POLR1C: variants seen among roughly 807,000 people sequenced by gnomAD.
The protein encoded by POLR1C is RNA polymerase I and III subunit C.
In POLR1C, 42 loss-of-function variants were observed where a neutral mutation model predicts 38.3. The observed-to-expected ratio is 1.10, with a 90% CI of 0.86 to 1.42. The LOEUF is 1.42. Among genes scored for constraint, POLR1C ranks in the 40% most tolerant of loss-of-function variants. The pLI is 0.00. For missense variants in POLR1C, 507 were observed against 450.5 expected (o/e 1.13, Z -1.14); for synonymous variants, 163 against 163.9 (o/e 0.99, Z 0.04).
In POLR1C at chr6:43,526,686, G is replaced by A. The variant is rs201260819; in HGVS notation, c.923-2563G>A. On this transcript the variant is annotated intron_variant, in intron 8 of 8. Coordinates refer to the POLR1C transcript ENST00000304004. ...CCAAGGTCTCACAGGCTCACTTACCGTCTCCATCTGCTGGGGGAGCACTAC... is the reference window on the plus strand; with the variant it reads ...CCAAGGTCTCACAGGCTCACTTACCATCTCCATCTGCTGGGGGAGCACTAC... The A allele has an allele frequency of 6.6e-5, 107 of 1,613,760 alleles. No homozygotes were observed. Among genetic ancestry groups the A allele is most frequent in the African/African-American group, 9.3e-5 (7 of 74,922 alleles).
chr6:43,524,673 T>G (rs1453481399), downstream of POLR1C: 1 of 1,602,298 alleles, frequency 6.2e-7, no homozygotes, highest in South Asian at 1.1e-5. Flanking sequence ...GATGTAGGTT[T>G]GGATATTGCC....
Position 43,521,053 on chromosome 6 carries a change from G to C in POLR1C, c.922+5G>C. On this transcript the variant is annotated splice_donor_5th_base_variant and intron_variant, in intron 8 of 8. Transcript: ENST00000642195. Reference sequence around the variant, plus strand: ...GGGTTCGAGATCATTATATCTGTGAGTATGAAGTGGTGAGATGAGTGGGCA... The same window carrying C: ...GGGTTCGAGATCATTATATCTGTGACTATGAAGTGGTGAGATGAGTGGGCA... The C allele has an allele frequency of 6.2e-7, 1 of 1,610,216 alleles. No individual in the cohort carries two copies. Among genetic ancestry groups the C allele is most frequent in the Non-Finnish European group, 8.5e-7 (1 of 1,176,390 alleles).
At chr6:43,555,314 AG>A (rs1413752211) in intron 10 of POLR1C, 4 of 143,914 alleles carry the variant, frequency 2.8e-5, no homozygotes, top group African/African-American at 1.2e-4. Context: ...TGGAGTACAG[AG>A]AAGTTAACTG....
chr6:43,517,899 C>G (rs75055581), intron 2 of POLR1C, among the ~76,000 whole-genome samples: 3,887 of 152,176 alleles, frequency 0.026, 150 homozygotes, highest in African/African-American at 0.086. Flanking sequence ...TGAATGTTAC[C>G]GTTTAGGCAA....
chr6:43,555,598 A>G, intron 10 of POLR1C: 1 of 329,038 alleles, frequency 3.0e-6, no homozygotes, highest in East Asian at 5.2e-5. Flanking sequence ...AGAAATGGAA[A>G]ATGATGGCAA....
chr6:43,526,017 T>C (rs1793564926), downstream of POLR1C: 2 of 1,404,540 alleles, frequency 1.4e-6, no homozygotes, highest in Non-Finnish European at 2.0e-6. Context: ...CAAAGCTGAG[T>C]GTTCTAGGCT....
At chr6:43,525,206 A>G, downstream of POLR1C, 1 of 1,575,600 alleles carries the variant, frequency 6.3e-7, no homozygotes, top group Non-Finnish European at 8.6e-7. Flanking sequence ...ATAGCGCTGT[A>G]CAAACATCCT....
intron 10 of POLR1C, chr6:43,561,127 TG>T: frequency 1.2e-6 from 1 of 812,102 alleles, no homozygotes. Flanking sequence ...AAAAGGACTT[TG>T]TATTTCCTTT....
At chr6:43,523,825 G>A, downstream of POLR1C, 1 of 1,613,892 alleles carries the variant, frequency 6.2e-7, no homozygotes, top group East Asian at 2.2e-5. Flanking sequence ...AGGGAAAGAA[G>A]AGATGACAAG....
chr6:43,525,750 ACT>A (rs1793544363), downstream of POLR1C: 1 of 1,374,940 alleles, frequency 7.3e-7, no homozygotes, highest in Non-Finnish European at 9.9e-7. Context: ...ATTACAAAAA[ACT>A]CTTGATAGCA....
chr6:43,553,386 G>A, intron 10 of POLR1C: 1 of 1,608,632 alleles, frequency 6.2e-7, no homozygotes, highest in Non-Finnish European at 8.5e-7. Flanking sequence ...TCTATTTAGT[G>A]TTCGAAACAT....
intron 10 of POLR1C, among the ~76,000 whole-genome samples, chr6:43,556,445 A>G (rs1237394565): frequency 6.6e-6 from 1 of 151,366 alleles, no homozygotes; most frequent in Non-Finnish European, 1.5e-5. Flanking sequence ...GGATCAGCTG[A>G]GCCCAGGGAG....
At chr6:43,529,426 C>T (rs1024983772) in exon 9 of POLR1C, 8 of 336,558 alleles carry the variant, frequency 2.4e-5, no homozygotes, top group African/African-American at 1.4e-4. Flanking sequence ...TGGGGGCGAG[C>T]GCCTGTAGTC....
chr6:43,518,983 A>G (rs1792995784), intron 2 of POLR1C, among the ~76,000 whole-genome samples: 1 of 152,056 alleles, frequency 6.6e-6, no homozygotes, highest in Non-Finnish European at 1.5e-5. Flanking sequence ...CCGGGCCAGG[A>G]GGGGGTTTTT....
chr6:43,560,342 A>C lies in POLR1C; in HGVS notation c.*49-1058A>C, dbSNP rs746877701. The C allele has an allele frequency of 5.8e-6, 9 of 1,561,070 alleles. No individual in the cohort carries two copies. In the South Asian group the frequency reaches 1.1e-4, roughly 19 times the overall value. The stretch of plus-strand genomic sequence containing the variant: ...AAAAAGAAAACGTCAAAGGATTTGG[A>C]TTCTATATAACCCAGATTATTACTT... On this transcript the variant is annotated intron_variant, in intron 10 of 10. Transcript: ENST00000607635.
chr6:43,552,950 A>T (rs1455375813), intron 10 of POLR1C, among the ~76,000 whole-genome samples: 1 of 152,168 alleles, frequency 6.6e-6, no homozygotes, highest in Non-Finnish European at 1.5e-5. Context: ...GAACTTGAGT[A>T]TGCTATTTAG....
intron 9 of POLR1C, among the ~76,000 whole-genome samples, chr6:43,535,384 G>A (rs1794252643): frequency 6.6e-6 from 1 of 151,952 alleles, no homozygotes; most frequent in Non-Finnish European, 1.5e-5. Context: ...GAGGTCAGGA[G>A]TTCAAGACCA....
intron 9 of POLR1C, among the ~76,000 whole-genome samples, chr6:43,541,963 A>G (rs575087862): frequency 1.3e-5 from 2 of 152,230 alleles, no homozygotes; most frequent in South Asian, 4.1e-4. Context: ...TATTTTTAGT[A>G]GAGATGGGGT....
downstream of POLR1C, chr6:43,533,213 T>TACACACACACACACACACACACAC (rs70990197): frequency 7.4e-6 from 1 of 135,126 alleles, no homozygotes; most frequent in Non-Finnish European, 1.6e-5. Flanking sequence ...GATACCTATC[T>TACACACACACACACACACACACAC]ACACACACAC....
Sources: allele counts gnomAD v4.1 joint callset (sites outside exome capture counted in the v4.1 genomes callset), GRCh38; gene constraint gnomAD v4.1.1; transcripts MANE v1.5; gene names NCBI Gene and HGNC (gene_info 2026-07-23, HGNC 2026-07-21).